ARID2: variants seen among roughly 807,000 people sequenced by gnomAD.
ARID2 encodes the protein AT-rich interaction domain 2.
A neutral mutation model predicts 184.6 loss-of-function variants in ARID2; 32 were observed. The observed-to-expected ratio is 0.17, with a 90% CI of 0.13 to 0.23. The LOEUF (loss-of-function observed/expected upper bound fraction) is 0.23, where lower values mean the gene tolerates loss of function less well. Among genes scored for constraint, ARID2 ranks in the 10% least tolerant of loss-of-function variants. The pLI is 1.00. For synonymous variants in ARID2, 836 were observed against 772.6 expected (o/e 1.08, Z -1.36); for missense variants, 1,696 against 2,197.6 (o/e 0.77, Z 4.56).
chr12:45,894,734 G>GA lies in ARID2; in HGVS notation c.5363+1021dup, dbSNP rs1337805156. On this transcript the variant is annotated intron_variant, in intron 20 of 20. Transcript: ENST00000334344. Reference sequence around the variant, plus strand: ...TAACACTTGAGCCAAGTTTTTTTTAGAAAAAAAAGAAATATAAAGGTTTAG... The same window carrying GA: ...TAACACTTGAGCCAAGTTTTTTTTAGAAAAAAAAAGAAATATAAAGGTTTAG... Among the ~76,000 whole-genome samples the GA allele has an allele frequency of 4.6e-5, 7 of 151,184 alleles. No individual in the cohort carries two copies. In the South Asian group the frequency reaches 8.3e-4, roughly 18 times the overall value.
intron 3 of ARID2, among the ~76,000 whole-genome samples, chr12:45,795,232 A>G (rs1942367347): frequency 6.6e-6 from 1 of 152,150 alleles, no homozygotes; most frequent in South Asian, 2.1e-4. Context: ...TCCCATCTAG[A>G]ACATTGACCC....
rs1005329089 is a variant in ARID2, at chr12:45,852,887, G to C, written c.4764G>C (p.Val1588=). Residue 1588 remains valine, a synonymous_variant, in exon 15 of 21, where the codon GTG becomes GTC. Coordinates refer to ENST00000334344, the MANE Select transcript of ARID2 (RefSeq NM_152641.4). The part of the protein sequence containing the change: ...QQHPPTYVQN[V]VPQNTPMPPS... ...ATCCACCAACATATGTACAGAATGT[G>C]GTCCCGCAGGTAAGTTATTCCATGA... 1 of 1,570,828 alleles carries C rather than the reference G, an allele frequency of 6.4e-7. No individual in the cohort carries two copies. The highest frequency in any genetic ancestry group is 1.2e-5 in the South Asian group (1 of 85,074).
chr12:45,766,955 C>T (rs938204038), intron 3 of ARID2, among the ~76,000 whole-genome samples: 13 of 151,960 alleles, frequency 8.6e-5, no homozygotes, highest in Non-Finnish European at 1.9e-4. Flanking sequence ...GCAACAAGAG[C>T]GAAACTCTGT....
intron 3 of ARID2, among the ~76,000 whole-genome samples, chr12:45,804,866 A>G (rs1436877557): frequency 1.3e-5 from 2 of 152,012 alleles, no homozygotes; most frequent in East Asian, 3.8e-4. Context: ...CACTTACTAC[A>G]TACTTGTCTG....
intron 3 of ARID2, among the ~76,000 whole-genome samples, chr12:45,797,624 T>G (rs1942414331): frequency 6.6e-6 from 1 of 151,132 alleles, no homozygotes; most frequent in South Asian, 2.1e-4. Context: ...TCTTTAATAT[T>G]ATAAATATAT....
chr12:45,880,455 C>A (rs1338557352), intron 16 of ARID2, among the ~76,000 whole-genome samples: 1 of 152,146 alleles, frequency 6.6e-6, no homozygotes, highest in Non-Finnish European at 1.5e-5. Context: ...TATACAGTTA[C>A]AATTCCTCCT....
chr12:45,825,924 T>C (rs1942990331), intron 6 of ARID2, among the ~76,000 whole-genome samples: 1 of 152,058 alleles, frequency 6.6e-6, no homozygotes, highest in Admixed American at 6.6e-5. Flanking sequence ...ATTTATTGAA[T>C]TTTTTGTAGA....
intron 11 of ARID2, chr12:45,839,875 T>G (rs1389850077): frequency 5.7e-6 from 1 of 175,392 alleles, no homozygotes; most frequent in Non-Finnish European, 1.2e-5. Flanking sequence ...CAGGTGATCA[T>G]CAGGACGCGT....
chr12:45,893,611 T>C lies in ARID2; in HGVS notation c.5272-19T>C. 1.2e-6 allele frequency: 2 copies of C among 1,603,274 alleles called. No individual in the cohort carries two copies. Among genetic ancestry groups the C allele is most frequent in the Non-Finnish European group, 1.7e-6 (2 of 1,177,366 alleles). ...TGTATGATTTAGATCTTTATTCTTT[T>C]TTTTCCTTTCTTTTTAAGGATGAAA... On this transcript the variant is annotated intron_variant, in intron 19 of 20. Transcript: ENST00000334344.
chr12:45,783,812 CA>C (rs1356014693), intron 3 of ARID2, among the ~76,000 whole-genome samples: 1 of 152,124 alleles, frequency 6.6e-6, no homozygotes, highest in African/African-American at 2.4e-5. Context: ...AACTTATTTT[CA>C]TTATAAATTA....
rs201268655 is a variant in ARID2, at chr12:45,891,802, G to C, written c.4945G>C (p.Val1649Leu). 1,074 of 1,614,112 alleles carry C rather than the reference G, an allele frequency of 6.7e-4. 9 individuals carry two copies. The highest frequency in any genetic ancestry group is 5.0e-3 in the South Asian group (453 of 91,078). Residue 1649 changes from valine to leucine, a missense_variant, in exon 17 of 21, where the codon GTT (valine) becomes CTT (leucine). Physicochemically the swap from Val to Leu is conservative, Grantham distance 32. Coordinates refer to ENST00000334344, the MANE Select transcript of ARID2 (RefSeq NM_152641.4). Reference sequence around the variant, plus strand: ...TAGGTGGTTTCAGACACCCTCACAGGTTTTCTACCATGCAGCAACTGAACA... The same window carrying C: ...TAGGTGGTTTCAGACACCCTCACAGCTTTTCTACCATGCAGCAACTGAACA... ...CKKWFQTPSQ[V>L]FYHAATEHGG...
rs1944539822 is a variant in ARID2, at chr12:45,907,081, A to G, written c.*2003A>G. 1 of 232,214 alleles carries G rather than the reference A, an allele frequency of 4.3e-6. No homozygotes were observed. Among genetic ancestry groups the G allele is most frequent in the Middle Eastern group, 1.3e-3 (1 of 782 alleles). The allele number at this position is 232,214 out of a possible 1,614,324, so 14.4% of individuals were successfully genotyped here. On this transcript the variant is annotated 3_prime_UTR_variant, in exon 21 of 21. Transcript: ENST00000334344. ...CTCAAAGGAATGTTTGAGAAACTTC[A>G]TCTAATATTAGTTATAAGGTTGTGG... is the stretch of plus-strand genomic sequence containing the variant.
chr12:45,793,887 T>C (rs1405871712), intron 3 of ARID2, among the ~76,000 whole-genome samples: 1 of 152,200 alleles, frequency 6.6e-6, no homozygotes, highest in Non-Finnish European at 1.5e-5. Flanking sequence ...CTTTCCTTTT[T>C]GAAGCAAATG....
intron 3 of ARID2, among the ~76,000 whole-genome samples, chr12:45,781,364 T>A (rs944863670): frequency 0.019 from 16 of 836 alleles, no homozygotes; most frequent in African/African-American, 0.052. Context: ...CCCATTGAAA[T>A]GAGGGCATTG....
At chr12:45,790,069 T>A (rs748279732) in intron 3 of ARID2, among the ~76,000 whole-genome samples, 1 of 152,226 alleles carries the variant, frequency 6.6e-6, no homozygotes, top group Non-Finnish European at 1.5e-5. Flanking sequence ...GGAACCTTCC[T>A]CTATACTTAT....
At chr12:45,813,311 C>A (rs1942744543) in intron 4 of ARID2, among the ~76,000 whole-genome samples, 1 of 151,916 alleles carries the variant, frequency 6.6e-6, no homozygotes, top group Non-Finnish European at 1.5e-5. Context: ...TTATGTTTTT[C>A]TAGAAAGAGC....
chr12:45,805,001 C>T (rs984958480), intron 3 of ARID2, among the ~76,000 whole-genome samples: 2 of 151,870 alleles, frequency 1.3e-5, no homozygotes, highest in African/African-American at 4.8e-5. Flanking sequence ...TTGTATGGGT[C>T]CATTTCAGTT....
chr12:45,744,971 G>A (rs1262551308), intron 3 of ARID2, among the ~76,000 whole-genome samples: 1 of 152,160 alleles, frequency 6.6e-6, no homozygotes, highest in Non-Finnish European at 1.5e-5. Context: ...ATGGAGGTTA[G>A]CTTAAATGTG....
At chr12:45,871,778 C>T (rs1379759701) in intron 16 of ARID2, among the ~76,000 whole-genome samples, 2 of 152,100 alleles carry the variant, frequency 1.3e-5, no homozygotes, top group Non-Finnish European at 2.9e-5. Flanking sequence ...ATTATTGATT[C>T]AATTTCTTTA....
Sources: allele counts gnomAD v4.1 joint callset (sites outside exome capture counted in the v4.1 genomes callset), GRCh38; gene constraint gnomAD v4.1.1; transcripts MANE v1.5; gene names NCBI Gene and HGNC (gene_info 2026-07-23, HGNC 2026-07-21).